Variants in PCBP3 observed in about 807,000 individuals in gnomAD.
PCBP3 encodes the protein poly(rC) binding protein 3, also known as poly(rC)-binding protein 3.
Under a neutral mutation model 52.7 loss-of-function variants are expected in PCBP3, and 25 were observed. The ratio of observed to expected loss-of-function variants is 0.47; its 90% CI spans 0.35 to 0.66. The LOEUF (loss-of-function observed/expected upper bound fraction) is 0.66. Among genes scored for constraint, PCBP3 ranks in the 30% least tolerant of loss-of-function variants. The probability of loss-of-function intolerance (pLI) is 0.01; values close to 1 mark genes in which losing one functional copy is unlikely to be tolerated. For synonymous variants in PCBP3, 162 were observed against 183.0 expected (o/e 0.89, Z 0.93); for missense variants, 391 against 490.3 (o/e 0.80, Z 1.91).
chr21:45,912,908 G>A lies in PCBP3; in HGVS notation c.601-1043G>A, dbSNP rs143485210. Reference sequence around the variant, plus strand: ...TCACACCCCAGGGCCCTGGCGCTGCGGATCCAGCCACCCACTCCCCATCTT... The same window carrying A: ...TCACACCCCAGGGCCCTGGCGCTGCAGATCCAGCCACCCACTCCCCATCTT... On this transcript the variant is annotated intron_variant, in intron 11 of 17. Coordinates refer to ENST00000681687, the MANE Select transcript of PCBP3 (RefSeq NM_001384156.1). 2.5e-3 allele frequency among the ~76,000 whole-genome samples: 373 copies of A among 152,150 alleles called. 2 individuals carry two copies. The highest frequency in any genetic ancestry group is 7.4e-3 in the African/African-American group (307 of 41,492).
intron 4 of PCBP3, among the ~76,000 whole-genome samples, chr21:45,787,206 G>A (rs935498406): frequency 2.0e-5 from 3 of 152,254 alleles, no homozygotes; most frequent in Admixed American, 6.5e-5. Flanking sequence ...TTTCTGGAAC[G>A]TAATTCATTA....
chr21:45,848,179 G>A (rs2148147150), intron 4 of PCBP3: 1 of 152,332 alleles, frequency 6.6e-6, no homozygotes, highest in African/African-American at 2.4e-5. Context: ...GCCATGGTGT[G>A]GGAGCAGCCT....
rs2079606830 is a variant in PCBP3 at position 45,650,491 on chromosome 21, C to T, written c.-279+6623C>T. Among the ~76,000 whole-genome samples, 3 of 152,112 alleles carry T rather than the reference C, an allele frequency of 2.0e-5. No individual in the cohort carries two copies. The South Asian group carries it at 6.2e-4, about 32-fold the overall frequency. ...TTAGAGACAGGGACTCTCTCTGTCACCCAGGCTAGAGTGTAGTGGTGCTAT... is the reference window on the plus strand; with the variant it reads ...TTAGAGACAGGGACTCTCTCTGTCATCCAGGCTAGAGTGTAGTGGTGCTAT... On this transcript the variant is annotated intron_variant, in intron 1 of 17. Transcript: ENST00000681687.
chr21:45,750,648 T>A (rs1460373278), intron 3 of PCBP3: 4 of 152,200 alleles, frequency 2.6e-5, no homozygotes, highest in African/African-American at 9.7e-5. Flanking sequence ...CTTTTCCATA[T>A]AATGTTTCAC....
intron 5 of PCBP3, among the ~76,000 whole-genome samples, chr21:45,877,288 C>T (rs377586612): frequency 1.3e-5 from 2 of 152,190 alleles, no homozygotes; most frequent in African/African-American, 2.4e-5. Context: ...AGGAAGAGCT[C>T]GCCCTACTGT....
At chr21:45,922,783 C>T (rs1021342127) in intron 13 of PCBP3, among the ~76,000 whole-genome samples, 5 of 152,310 alleles carry the variant, frequency 3.3e-5, no homozygotes, top group Admixed American at 6.5e-5. Context: ...GTTCCACACA[C>T]GAGGAAGTGG....
At chr21:45,777,473 G>C (rs766078289) in intron 4 of PCBP3, among the ~76,000 whole-genome samples, 2 of 152,130 alleles carry the variant, frequency 1.3e-5, no homozygotes, top group African/African-American at 2.4e-5. Flanking sequence ...TGCTAGACTT[G>C]AAAAGTTTTC....
chr21:45,767,196 C>G (rs1286991575), intron 4 of PCBP3, among the ~76,000 whole-genome samples: 1 of 152,138 alleles, frequency 6.6e-6, no homozygotes, highest in Non-Finnish European at 1.5e-5. Context: ...GCCCTGTGCC[C>G]GTTAAGCAGT....
At position 45,764,199 on chromosome 21, in the gene PCBP3, C is replaced by T. The variant is rs180990614; in HGVS notation, c.-126+8747C>T. The stretch of plus-strand genomic sequence containing the variant: ...GTGCAATGGCGCAATCTTGGCTCAC[C>T]GCAACCTCCGCCTCCCGGGTTCAAG... On this transcript the variant is annotated intron_variant, in intron 4 of 17. Transcript: ENST00000681687. Among the ~76,000 whole-genome samples the T allele has an allele frequency of 4.0e-3, 606 of 151,394 alleles. 7 individuals carry two copies. Among genetic ancestry groups the T allele is most frequent in the Middle Eastern group, 0.02 (6 of 294 alleles).
chr21:45,815,318 GGTGA>G (rs1159993011), intron 4 of PCBP3, among the ~76,000 whole-genome samples: 2 of 54,666 alleles, frequency 3.7e-5, no homozygotes, highest in African/African-American at 8.4e-5. Flanking sequence ...AGTGGTGAGT[GGTGA>G]GTGAGTGATG....
rs1360401770 is a variant in PCBP3, at chr21:45,896,194, C to T, written c.11-14C>T. On this transcript the variant is annotated splice_polypyrimidine_tract_variant and intron_variant, in intron 5 of 17. Coordinates refer to ENST00000681687, the MANE Select transcript of PCBP3 (RefSeq NM_001384156.1). ...AGACTCTTCTCTAGCAGCAGCTGTG[C>T]CTTCTCTCTCCAGGTGACGCCTTCT... The T allele has an allele frequency of 2.6e-6, 4 of 1,550,592 alleles. No homozygotes were observed. Among genetic ancestry groups the T allele is most frequent in the Non-Finnish European group, 3.5e-6 (4 of 1,146,716 alleles).
intron 2 of PCBP3, among the ~76,000 whole-genome samples, chr21:45,730,661 A>G (rs891196182): frequency 3.9e-5 from 6 of 151,982 alleles, no homozygotes; most frequent in Non-Finnish European, 5.9e-5. Flanking sequence ...ATAATTGTGG[A>G]TTTATCTATT....
At position 45,917,965 on chromosome 21, in the gene PCBP3, C is replaced by T. The variant is rs1036924372; in HGVS notation, c.717+336C>T. The T allele has an allele frequency of 5.8e-5, 20 of 342,784 alleles. No homozygotes were observed. The highest frequency in any genetic ancestry group is 1.7e-4 in the Admixed American group (4 of 24,080). The allele number at this position is 342,784 out of a possible 1,614,324, so 21.2% of individuals were successfully genotyped here. A position where few individuals can be genotyped will look rare whatever the true frequency, so the allele number is the denominator to read the frequency against. ...GATGTGCTCACCCGCCACAGGCAGG[C>T]GTCAGTGATACTTTCTCTGCGCCTA... is the stretch of plus-strand genomic sequence containing the variant. On this transcript the variant is annotated intron_variant, in intron 13 of 17. Coordinates refer to ENST00000681687, the MANE Select transcript of PCBP3 (RefSeq NM_001384156.1). This position sits in a 1 kb window ranked among gnomAD's most constrained non-coding sequence, Gnocchi z 5.3.
At chr21:45,838,566 T>C (rs7279037) in intron 4 of PCBP3, among the ~76,000 whole-genome samples, 115,633 of 151,994 alleles carry the variant, frequency 0.76, 44,419 homozygotes, top group East Asian at 0.93. Context: ...ATAAATATTT[T>C]TAAATCATAT....
chr21:45,797,758 A>ATGCGTGGATAGAC (rs1603430960), intron 4 of PCBP3, among the ~76,000 whole-genome samples: 2 of 534 alleles, frequency 3.7e-3, no homozygotes, highest in East Asian at 0.05. Context: ...GAGAGAGTGA[A>ATGCGTGGATAGAC]TGGATGTGCA....
At chr21:45,940,281 G>GT in intron 17 of PCBP3, 82 bp downstream of exon 17, 1 of 1,232,552 alleles carries the variant, frequency 8.1e-7, no homozygotes, top group Non-Finnish European at 1.1e-6. Context: ...CGGTCGGGGG[G>GT]TGGGAGGAGG....
intron 5 of PCBP3, chr21:45,854,028 G>C (rs1260806419): frequency 6.7e-6 from 1 of 149,332 alleles, no homozygotes; most frequent in Non-Finnish European, 1.5e-5. Context: ...GGGCGGGGGG[G>C]ACAAAAACGC....
chr21:45,910,546 A>G (rs2096366632), intron 10 of PCBP3, among the ~76,000 whole-genome samples: 1 of 152,134 alleles, frequency 6.6e-6, no homozygotes, highest in South Asian at 2.1e-4. Flanking sequence ...TTCCTTTCCC[A>G]TGACCAGAGT....
At chr21:45,815,180 T>G (rs1603441961) in intron 4 of PCBP3, among the ~76,000 whole-genome samples, 4 of 35,588 alleles carry the variant, frequency 1.1e-4, no homozygotes, top group Non-Finnish European at 1.5e-4. Flanking sequence ...TGGTGAGTGG[T>G]GAGTGAGTGG....
Sources: allele counts gnomAD v4.1 joint callset (sites outside exome capture counted in the v4.1 genomes callset), GRCh38; gene constraint gnomAD v4.1.1; non-coding constraint Gnocchi (gnomAD v3.1); transcripts MANE v1.5; gene names NCBI Gene and HGNC (gene_info 2026-07-23, HGNC 2026-07-21).